The following TLCD3B variants were observed in gnomAD, a reference collection of about 807,000 sequenced individuals.
The protein encoded by TLCD3B is ceramide synthase.
In TLCD3B, 9 loss-of-function variants were observed where a neutral mutation model predicts 23.0. That is an observed-to-expected ratio of 0.39 (90% CI 0.24 to 0.68). TLCD3B has a LOEUF of 0.68. Ranked by LOEUF, TLCD3B falls within the 30% of genes least tolerant of loss-of-function variation. TLCD3B has a pLI of 0.44. For missense variants in TLCD3B, 307 were observed against 371.8 expected, an observed-to-expected ratio of 0.83 and a Z score of 1.43; for synonymous variants, 161 against 161.0, an observed-to-expected ratio of 1.00 and a Z score of 0.00.
chr16:30,030,060 C>G (rs1384928848), intron 1 of TLCD3B: 2 of 1,351,986 alleles, frequency 1.5e-6, no homozygotes, highest in East Asian at 9.1e-5. Context: ...AAACACTCAC[C>G]CTGAATGACA....
intron 2 of TLCD3B, chr16:30,027,759 C>G (rs2071211489): frequency 2.3e-6 from 1 of 434,586 alleles, no homozygotes; most frequent in African/African-American, 2.0e-5. Flanking sequence ...CTCTTAAATC[C>G]TGTAGTCCCA....
At chr16:30,050,357 A>G in intron 1 of TLCD3B, among the ~76,000 whole-genome samples, 1 of 152,126 alleles carries the variant, frequency 6.6e-6, no homozygotes, top group East Asian at 1.9e-4. Context: ...TGAGCAATAC[A>G]GTGAGACCCC....
At chr16:30,026,515 A>T in intron 3 of TLCD3B, 94 bp downstream of exon 3, 1 of 1,095,626 alleles carries the variant, frequency 9.1e-7, no homozygotes, top group Non-Finnish European at 1.3e-6. Context: ...GGTTGTCAGT[A>T]CGCAGACCCG....
intron 2 of TLCD3B, chr16:30,027,314 C>T (rs1371687794): frequency 7.6e-6 from 3 of 393,780 alleles, no homozygotes; most frequent in Non-Finnish European, 5.1e-6. Flanking sequence ...ATCTTCCAAA[C>T]TTCCCATGCA....
upstream of TLCD3B, among the ~76,000 whole-genome samples, chr16:30,034,743 T>A (rs1481919774): frequency 6.6e-6 from 1 of 152,024 alleles, no homozygotes; most frequent in Admixed American, 6.6e-5. Context: ...TCTGCAGCAG[T>A]TTTCAACCCC....
chr16:30,029,943 C>T lies in TLCD3B; in HGVS notation c.126-428G>A. ...GGACCCTTTGTGACCCCGAGTTCCC[C>T]AGTCACTTTCCCACTGTCTCCTGAC... On this transcript the variant is annotated intron_variant, in intron 1 of 4. Coordinates refer to ENST00000380495, the MANE Select transcript of TLCD3B (RefSeq NM_031478.6). The surrounding 1 kb of genome is among the most constrained non-coding windows in gnomAD (Gnocchi z 4.6). The T allele has an allele frequency of 9.7e-7, 1 of 1,034,028 alleles. No individual in the cohort carries two copies. The highest frequency in any genetic ancestry group is 1.3e-6 in the Non-Finnish European group (1 of 741,994). The allele number at this position is 1,034,028 out of a possible 1,614,324, so 64.1% of individuals were successfully genotyped here.
chr16:30,049,689 G>A (rs2071722285), intron 1 of TLCD3B, among the ~76,000 whole-genome samples: 1 of 152,156 alleles, frequency 6.6e-6, no homozygotes, highest in Non-Finnish European at 1.5e-5. Context: ...CACTTTGGGA[G>A]GCCGACGTGG....
At position 30,025,720 on chromosome 16, in the gene TLCD3B, A is replaced by C. The variant is rs770965031; in HGVS notation, c.540+6T>G. On this transcript the variant is annotated splice_donor_region_variant and intron_variant, in intron 4 of 4. Transcript: ENST00000380495. This position sits in a 1 kb window ranked among gnomAD's most constrained non-coding sequence, Gnocchi z 4.1. Reference sequence around the variant, plus strand: ...TGGGCTCCTGCACCCTCCCATGCTCACTCACCTGGATGAGGATCTTGCCAA... The same window carrying C: ...TGGGCTCCTGCACCCTCCCATGCTCCCTCACCTGGATGAGGATCTTGCCAA... 2 of 1,613,744 alleles carry C rather than the reference A, an allele frequency of 1.2e-6. No homozygotes were observed. The highest frequency in any genetic ancestry group is 2.7e-5 in the African/African-American group (2 of 74,978).
chr16:30,027,495 C>G, intron 2 of TLCD3B: 2 of 443,472 alleles, frequency 4.5e-6, no homozygotes, highest in South Asian at 1.6e-5. Context: ...CCAGAAGATC[C>G]GAGAGGCATC....
In TLCD3B at chr16:30,043,419, G is replaced by A. The variant is rs189966805; in HGVS notation, c.-228-2263C>T. On this transcript the variant is annotated intron_variant, in intron 2 of 6. Transcript: ENST00000561666. ...TTTTTTAAGTTTTTCCTACAGATGG[G>A]GGTCTCGATTTGTTGCCCAGGTTGG... 8.7e-4 allele frequency among the ~76,000 whole-genome samples: 132 copies of A among 151,896 alleles called. 1 individual carries two copies. Among genetic ancestry groups the A allele is most frequent in the African/African-American group, 3.1e-3 (130 of 41,436 alleles).
At chr16:30,033,004 T>C (rs2071398316), upstream of TLCD3B, 2 of 152,244 alleles carry the variant, frequency 1.3e-5, no homozygotes, top group South Asian at 4.1e-4. Context: ...ACACCTGTAA[T>C]CCCAGCGCTT....
intron 1 of TLCD3B, among the ~76,000 whole-genome samples, chr16:30,051,843 G>A (rs1007249254): frequency 5.3e-5 from 8 of 152,206 alleles, no homozygotes; most frequent in African/African-American, 1.7e-4. Flanking sequence ...TGAGGGATGA[G>A]GAAGAGGTTT....
chr16:30,039,120 T>C (rs1207089547), intron 3 of TLCD3B, among the ~76,000 whole-genome samples: 1 of 141,758 alleles, frequency 7.1e-6, no homozygotes, highest in Non-Finnish European at 1.5e-5. Flanking sequence ...TTTTTTTTTT[T>C]TTTTTTTTTT....
chr16:30,052,740 T>TAA (rs2071786974), intron 1 of TLCD3B: 2 of 148,322 alleles, frequency 1.3e-5, no homozygotes, highest in Non-Finnish European at 3.0e-5. Flanking sequence ...TAAATAAATA[T>TAA]AAATAAAATA....
upstream of TLCD3B, among the ~76,000 whole-genome samples, chr16:30,034,635 C>T (rs909822757): frequency 5.9e-5 from 9 of 152,072 alleles, no homozygotes; most frequent in Non-Finnish European, 1.3e-4. Flanking sequence ...AACCATATAA[C>T]ATTATCAGTG....
In TLCD3B at chr16:30,024,649, A is replaced by G. The variant is rs2071014667; in HGVS notation, c.*534T>C. ...GGGTAGCAGCCACCTCCTTCCCCCAACCCAACAGACTAGTTCAAATTTGGG... is the reference window on the plus strand; with the variant it reads ...GGGTAGCAGCCACCTCCTTCCCCCAGCCCAACAGACTAGTTCAAATTTGGG... On this transcript the variant is annotated 3_prime_UTR_variant, in exon 5 of 5. Coordinates refer to ENST00000380495, the MANE Select transcript of TLCD3B (RefSeq NM_031478.6). 1 of 224,006 alleles carries G rather than the reference A, an allele frequency of 4.5e-6. No homozygotes were observed. The highest frequency in any genetic ancestry group is 2.3e-5 in the African/African-American group (1 of 43,710). The allele number at this position is 224,006 out of a possible 1,614,324, so 13.9% of individuals were successfully genotyped here. A position where few individuals can be genotyped will look rare whatever the true frequency, so the allele number is the denominator to read the frequency against.
chr16:30,052,367 C>CA (rs1355463640), intron 1 of TLCD3B, among the ~76,000 whole-genome samples: 2 of 151,200 alleles, frequency 1.3e-5, no homozygotes, highest in Non-Finnish European at 1.5e-5. Context: ...AATCTGTCTC[C>CA]AAAAAATAAA....
intron 3 of TLCD3B, among the ~76,000 whole-genome samples, chr16:30,037,002 T>C (rs1008142864): frequency 2.7e-5 from 4 of 150,802 alleles, no homozygotes; most frequent in Admixed American, 6.6e-5. Flanking sequence ...GGAGAATCGC[T>C]TGAACCCGGG....
chr16:30,031,574 C>T (rs1003569778), upstream of TLCD3B, among the ~76,000 whole-genome samples: 25 of 152,308 alleles, frequency 1.6e-4, no homozygotes, highest in Admixed American at 1.4e-3. Context: ...GCCATTCCAG[C>T]GGAAGAGAGC....
Sources: allele counts gnomAD v4.1 joint callset (sites outside exome capture counted in the v4.1 genomes callset), GRCh38; gene constraint gnomAD v4.1.1; non-coding constraint Gnocchi (gnomAD v3.1); transcripts MANE v1.5; gene names NCBI Gene and HGNC (gene_info 2026-07-23, HGNC 2026-07-21).